MFN1: variants seen among roughly 807,000 people sequenced by gnomAD.
The protein encoded by MFN1 is mitofusin-1.
Under a neutral mutation model 92.4 loss-of-function variants are expected in MFN1, and 65 were observed. That is an observed-to-expected ratio of 0.70 (90% CI 0.58 to 0.86). The LOEUF (loss-of-function observed/expected upper bound fraction) is 0.86. Ranked by LOEUF, MFN1 falls within the 40% of genes least tolerant of loss-of-function variation. The probability of loss-of-function intolerance (pLI) is 0.00; values close to 1 mark genes in which losing one functional copy is unlikely to be tolerated. For missense variants in MFN1, 781 were observed against 868.0 expected, an observed-to-expected ratio of 0.90 and a Z score of 1.26; for synonymous variants, 297 against 300.9, an observed-to-expected ratio of 0.99 and a Z score of 0.13.
At chr3:179,351,381 C>CT (rs1174981020) in intron 2 of MFN1, among the ~76,000 whole-genome samples, 1 of 152,114 alleles carries the variant, frequency 6.6e-6, no homozygotes, top group Non-Finnish European at 1.5e-5. Flanking sequence ...TCTTTCTTCT[C>CT]TGTCTTTGTG....
At chr3:179,368,218 T>A (rs919600692) in intron 9 of MFN1, 115 bp downstream of exon 9, 1 of 669,820 alleles carries the variant, frequency 1.5e-6, no homozygotes, top group South Asian at 5.9e-5. Flanking sequence ...TTATTTAGTT[T>A]AGTTACTGAC....
chr3:179,374,218 A>C (rs1713132115), intron 9 of MFN1, among the ~76,000 whole-genome samples: 1 of 150,508 alleles, frequency 6.6e-6, no homozygotes, highest in African/African-American at 2.4e-5. Flanking sequence ...TAGGAGAATC[A>C]CTTGAACCTA....
At position 179,358,852 on chromosome 3, in the gene MFN1, G is replaced by A. The variant is rs764668116; in HGVS notation, c.261G>A (p.Gly87=). 3.1e-6 allele frequency: 5 copies of A among 1,611,824 alleles called. No homozygotes were observed. The highest frequency in any genetic ancestry group is 2.7e-5 in the African/African-American group (2 of 74,838). The change falls in exon 4 of 18, where the codon GGG becomes GGA. Residue 87 remains glycine, a synonymous_variant. Coordinates refer to ENST00000471841, the MANE Select transcript of MFN1 (RefSeq NM_033540.3). ...GTATATTCTTCAGGACAAGCAGTGGGAAGAGCTCTGTTATCAATGCAATGT... is the reference window on the plus strand; with the variant it reads ...GTATATTCTTCAGGACAAGCAGTGGAAAGAGCTCTGTTATCAATGCAATGT... ...KVAFFGRTSS[G]KSSVINAMLW...
In MFN1 at chr3:179,348,930, G is replaced by C; in HGVS notation, c.79G>C (p.Glu27Gln). The change falls in exon 2 of 18, where the codon GAG (glutamate) becomes CAG (glutamine). Residue 27 changes from glutamate to glutamine, a missense_variant. Coordinates refer to ENST00000471841, the MANE Select transcript of MFN1 (RefSeq NM_033540.3). ...TACTGCAATCTTTGACCAGTTACTG[G>C]AGTTTGTTACTGAAGGATCACATTT... Reference protein sequence around the residue: ...AITAIFDQLLEFVTEGSHFVE... With the variant: ...AITAIFDQLLQFVTEGSHFVE... 5 of 1,599,228 alleles carry C rather than the reference G, an allele frequency of 3.1e-6. No individual in the cohort carries two copies. The highest frequency in any genetic ancestry group is 4.3e-6 in the Non-Finnish European group (5 of 1,167,940).
At chr3:179,387,503 A>G (rs1577017252) in intron 16 of MFN1, among the ~76,000 whole-genome samples, 1 of 151,502 alleles carries the variant, frequency 6.6e-6, no homozygotes, top group Admixed American at 6.6e-5. Context: ...CCGAGATCAC[A>G]TCACTGAACT....
chr3:179,373,866 G>A (rs1220716298), intron 9 of MFN1, among the ~76,000 whole-genome samples: 1 of 151,788 alleles, frequency 6.6e-6, no homozygotes, highest in Non-Finnish European at 1.5e-5. Flanking sequence ...GTAGAGATGG[G>A]GTTTCACCAT....
At chr3:179,374,780 TTAAA>T (rs1304775771) in intron 9 of MFN1, among the ~76,000 whole-genome samples, 1 of 152,208 alleles carries the variant, frequency 6.6e-6, no homozygotes, top group Non-Finnish European at 1.5e-5. Context: ...CATTCAGCTA[TTAAA>T]TAAGGAATTG....
chr3:179,367,031 G>A (rs772821104), intron 7 of MFN1, among the ~76,000 whole-genome samples: 9 of 152,198 alleles, frequency 5.9e-5, no homozygotes, highest in Admixed American at 2.0e-4. Flanking sequence ...GGGCTCAAGC[G>A]ACTCTCCTGC....
At chr3:179,360,912 C>T (rs779079780) in intron 4 of MFN1, among the ~76,000 whole-genome samples, 11 of 152,042 alleles carry the variant, frequency 7.2e-5, no homozygotes, top group South Asian at 2.1e-4. Context: ...TTGAGCTGGT[C>T]GGATTGCTTG....
At chr3:179,349,802 C>T (rs562873503) in intron 2 of MFN1, among the ~76,000 whole-genome samples, 42 of 152,048 alleles carry the variant, frequency 2.8e-4, no homozygotes, top group African/African-American at 9.2e-4. Flanking sequence ...CCACCACACC[C>T]GGCCAGGAAT....
At chr3:179,389,925 T>G in intron 16 of MFN1, 79 bp from the exon 17 acceptor site, 1 of 1,363,464 alleles carries the variant, frequency 7.3e-7, no homozygotes, top group South Asian at 1.3e-5. Flanking sequence ...ACTTGTGTTC[T>G]TCTTTTTATG....
At position 179,394,463 on chromosome 3, in the gene MFN1, T is replaced by C. The variant is rs2108566872; in HGVS notation, c.*2404T>C. 1 of 136,790 alleles carries C rather than the reference T, an allele frequency of 7.3e-6. No individual in the cohort carries two copies. The highest frequency in any genetic ancestry group is 2.8e-5 in the African/African-American group (1 of 36,038). The allele number at this position is 136,790 out of a possible 1,614,324, so 8.5% of individuals were successfully genotyped here. A position where few individuals can be genotyped will look rare whatever the true frequency, so the allele number is the denominator to read the frequency against. On this transcript the variant is annotated 3_prime_UTR_variant, in exon 18 of 18. Transcript: ENST00000471841. ...CGGAGTCTCGCTCTGTCGCCCAGGC[T>C]GGAGTGCAGTGGCGCGATCTCGGCT...
At chr3:179,391,660 CT>C (rs1713906249) in intron 17 of MFN1, among the ~76,000 whole-genome samples, 2 of 152,130 alleles carry the variant, frequency 1.3e-5, no homozygotes, top group African/African-American at 2.4e-5. Flanking sequence ...GTTTTCCTCT[CT>C]TGTGGGCATT....
chr3:179,348,756 G>A, intron 1 of MFN1, 89 bp from the exon 2 acceptor site: 1 of 1,525,114 alleles, frequency 6.6e-7, no homozygotes, highest in Non-Finnish European at 8.9e-7. Flanking sequence ...TATTTCATTG[G>A]GGAGTTGATG....
At position 179,348,962 on chromosome 3, in the gene MFN1, A is replaced by C. The variant is rs1712031304; in HGVS notation, c.111A>C (p.Glu37Asp). 3 of 1,577,074 alleles carry C rather than the reference A, an allele frequency of 1.9e-6. No homozygotes were observed. The highest frequency in any genetic ancestry group is 1.4e-5 in the African/African-American group (1 of 73,932). The change falls in exon 2 of 18, where the codon GAA (glutamate) becomes GAC (aspartate). Residue 37 changes from glutamate (E) to aspartate (D), a missense_variant and splice_region_variant. By Grantham distance (45) the Glu-to-Asp change is conservative. Coordinates refer to ENST00000471841, the MANE Select transcript of MFN1 (RefSeq NM_033540.3). Reference sequence around the variant, plus strand: ...TTACTGAAGGATCACATTTTGTTGAAGGTTAGTTCTTCTTAAGTTTTTAAA... The same window carrying C: ...TTACTGAAGGATCACATTTTGTTGACGGTTAGTTCTTCTTAAGTTTTTAAA... ...EFVTEGSHFV[E>D]ATYKNPELDR...
rs546797369 is a variant in MFN1 at position 179,362,303 on chromosome 3, T to A, written c.412-55T>A. The A allele has an allele frequency of 1.2e-5, 17 of 1,474,636 alleles. No homozygotes were observed. The African/African-American group carries it at 2.3e-4, about 20-fold the overall frequency. 91.3% of individuals were successfully genotyped at this position (1,474,636 alleles called of 1,614,324 possible). A position where few individuals can be genotyped will look rare whatever the true frequency, so the allele number is the denominator to read the frequency against. ...TAAATGTACCACAATGTTTTTAATT[T>A]TTATTGAATTTTATTACAAGTGGAG... On this transcript the variant is annotated intron_variant, in intron 4 of 17. Transcript: ENST00000471841.
intron 3 of MFN1, among the ~76,000 whole-genome samples, chr3:179,354,111 T>C (rs1712258095): frequency 6.6e-6 from 1 of 152,230 alleles, no homozygotes; most frequent in Non-Finnish European, 1.5e-5. Context: ...TTTAAAAAGA[T>C]CCTACTTCAG....
chr3:179,363,550 G>A (rs901063123), intron 5 of MFN1, among the ~76,000 whole-genome samples: 104 of 151,620 alleles, frequency 6.9e-4, no homozygotes, highest in African/African-American at 2.4e-3. Flanking sequence ...GGAGTGCAGT[G>A]GTGGGATCAT....
intron 13 of MFN1, 51 bp downstream of exon 13, chr3:179,378,494 C>G: frequency 6.6e-6 from 10 of 1,523,970 alleles, no homozygotes; most frequent in Non-Finnish European, 9.0e-6. Context: ...TCATTCATGA[C>G]TGGTGAAGAG....
Sources: allele counts gnomAD v4.1 joint callset (sites outside exome capture counted in the v4.1 genomes callset), GRCh38; gene constraint gnomAD v4.1.1; transcripts MANE v1.5; gene names NCBI Gene and HGNC (gene_info 2026-07-23, HGNC 2026-07-21).